Variants in ONECUT3 observed in about 807,000 individuals in gnomAD.
The protein encoded by ONECUT3 is one cut domain family member 3.
ONECUT3 carries 11 observed loss-of-function variants against 16.8 expected under a neutral mutation model. The observed-to-expected ratio is 0.66, with a 90% CI of 0.41 to 1.09. ONECUT3 has a LOEUF of 1.09. ONECUT3 is among the 50% of genes least tolerant of loss of function. The probability of loss-of-function intolerance (pLI) is 0.00; values close to 1 mark genes in which losing one functional copy is unlikely to be tolerated. For missense variants in ONECUT3, 637 were observed against 629.9 expected (o/e 1.01, Z -0.12); for synonymous variants, 344 against 310.7 (o/e 1.11, Z -1.13).
chr19:1,754,493 C>T lies in ONECUT3; in HGVS notation c.831C>T (p.Ser277=). 2.0e-6 allele frequency: 2 copies of T among 980,622 alleles called. No homozygotes were observed. The highest frequency in any genetic ancestry group is 3.5e-5 in the African/African-American group (2 of 56,642). The allele number at this position is 980,622 out of a possible 1,614,324, so 60.7% of individuals were successfully genotyped here. ...GCACAGGCAGCGGCGGAGCGGGCAGCGGGAGCGCCGCGGGGCTGCTGGCGC... is the reference window on the plus strand; with the variant it reads ...GCACAGGCAGCGGCGGAGCGGGCAGTGGGAGCGCCGCGGGGCTGCTGGCGC... The part of the protein sequence containing the change: ...GGGTGSGGAG[S]GSAAGLLAPL... The change falls in exon 1 of 2, where the codon AGC becomes AGT. Residue 277 remains serine, a synonymous_variant. Coordinates refer to ENST00000382349, the MANE Select transcript of ONECUT3 (RefSeq NM_001080488.2). The surrounding 1 kb of genome is among the most constrained non-coding windows in gnomAD (Gnocchi z 7.4).
In ONECUT3 at chr19:1,762,904, C is replaced by A. The variant is rs1269450570; in HGVS notation, c.1192+8050C>A. On this transcript the variant is annotated intron_variant, in intron 1 of 1. Coordinates refer to ENST00000382349, the MANE Select transcript of ONECUT3 (RefSeq NM_001080488.2). This position sits in a 1 kb window ranked among gnomAD's most constrained non-coding sequence, Gnocchi z 4.4. ...CCCTCCTCCACCTCCCTTGTTTTTG[C>A]TCCCTGGTTCCCTAAAATATTCTAC... 6.6e-6 allele frequency among the ~76,000 whole-genome samples: 1 copy of A among 152,218 alleles called. No homozygotes were observed. Among genetic ancestry groups the A allele is most frequent in the Non-Finnish European group, 1.5e-5 (1 of 68,038 alleles).
chr19:1,762,960 C>A lies in ONECUT3; in HGVS notation c.1192+8106C>A, dbSNP rs970051545. ...TTTGGCCCGGCGGGGAGGCTCAAAC[C>A]TGTAGTCCCAGCACTTTGGGAGGCC... On this transcript the variant is annotated intron_variant, in intron 1 of 1. Transcript: ENST00000382349. This position sits in a 1 kb window ranked among gnomAD's most constrained non-coding sequence, Gnocchi z 4.4. Among the ~76,000 whole-genome samples the A allele has an allele frequency of 2.0e-5, 3 of 152,196 alleles. No homozygotes were observed. The highest frequency in any genetic ancestry group is 2.9e-5 in the Non-Finnish European group (2 of 68,036).
chr19:1,761,381 C>T (rs2067945475), intron 1 of ONECUT3, among the ~76,000 whole-genome samples: 1 of 152,188 alleles, frequency 6.6e-6, no homozygotes, highest in Non-Finnish European at 1.5e-5. Flanking sequence ...CCGTCTCCCC[C>T]ACATCCTAAG....
At chr19:1,763,306 G>A (rs2067956383) in intron 1 of ONECUT3, among the ~76,000 whole-genome samples, 1 of 141,816 alleles carries the variant, frequency 7.1e-6, no homozygotes, top group South Asian at 2.3e-4. Context: ...AGAGGTTGCA[G>A]TGAGCCGAGA....
Position 1,754,479 on chromosome 19 carries a change from G to C in ONECUT3, c.817G>C (p.Gly273Arg). Residue 273 changes from glycine to arginine, a missense_variant, in exon 1 of 2, where the codon GGC (glycine) becomes CGC (arginine). This residue lies in a region of ONECUT3 where 419 missense variants were observed against 377.9 expected (regional missense o/e 1.11). Transcript: ENST00000382349. The surrounding 1 kb of genome is among the most constrained non-coding windows in gnomAD (Gnocchi z 7.4). Reference sequence around the variant, plus strand: ...CGGAGGCGGCGGCGGCACAGGCAGCGGCGGAGCGGGCAGCGGGAGCGCCGC... The same window carrying C: ...CGGAGGCGGCGGCGGCACAGGCAGCCGCGGAGCGGGCAGCGGGAGCGCCGC... ...LPGGGGGTGS[G>R]GAGSGSAAGL... The C allele has an allele frequency of 1.0e-6, 1 of 982,654 alleles. No individual in the cohort carries two copies. Among genetic ancestry groups the C allele is most frequent in the Non-Finnish European group, 1.2e-6 (1 of 829,778 alleles). The allele number at this position is 982,654 out of a possible 1,614,324, so 60.9% of individuals were successfully genotyped here. A position where few individuals can be genotyped will look rare whatever the true frequency, so the allele number is the denominator to read the frequency against.
In ONECUT3 at chr19:1,779,827, G is replaced by A. The variant is rs1019629753; in HGVS notation, c.*4382G>A. 6.6e-6 allele frequency: 1 copy of A among 151,942 alleles called. No homozygotes were observed. The highest frequency in any genetic ancestry group is 2.4e-5 in the African/African-American group (1 of 41,314). The allele number at this position is 151,942 out of a possible 1,614,324, so 9.4% of individuals were successfully genotyped here. ...CAGGTGGACGGGGCCCCAGGTAGAG[G>A]GGGCGGGAACAGAGCCTCAGTAGCC... is the stretch of plus-strand genomic sequence containing the variant. On this transcript the variant is annotated 3_prime_UTR_variant, in exon 2 of 2. Coordinates refer to ENST00000382349, the MANE Select transcript of ONECUT3 (RefSeq NM_001080488.2).
intron 1 of ONECUT3, among the ~76,000 whole-genome samples, chr19:1,771,630 A>G (rs1665732748): frequency 6.6e-6 from 1 of 152,138 alleles, no homozygotes; most frequent in Non-Finnish European, 1.5e-5. Context: ...AAATTTCACA[A>G]CAACGAGGCT....
chr19:1,773,549 A>C (rs946335222), intron 1 of ONECUT3, among the ~76,000 whole-genome samples: 2 of 152,168 alleles, frequency 1.3e-5, no homozygotes, highest in African/African-American at 4.8e-5. Flanking sequence ...TTCTGCAACG[A>C]AAAGAAAAGC....
In ONECUT3 at chr19:1,753,591, G is replaced by T. The variant is rs2067899625; in HGVS notation, c.-72G>T. On this transcript the variant is annotated 5_prime_UTR_variant, in exon 1 of 2. Transcript: ENST00000382349. ...CGCGCGCAGCCACCGGGGAGCGGGC[G>T]GGAGTCATGCAGCGGCCTTGAGCAC... 6.0e-6 allele frequency: 3 copies of T among 498,032 alleles called. No homozygotes were observed. Among genetic ancestry groups the T allele is most frequent in the Non-Finnish European group, 8.0e-6 (3 of 376,296 alleles). 30.9% of individuals were successfully genotyped at this position (498,032 alleles called of 1,614,324 possible).
In ONECUT3 at chr19:1,764,834, A is replaced by C. The variant is rs2067971039; in HGVS notation, c.1192+9980A>C. Among the ~76,000 whole-genome samples the C allele has an allele frequency of 9.0e-6, 1 of 110,746 alleles. No homozygotes were observed. Among genetic ancestry groups the C allele is most frequent in the Middle Eastern group, 5.0e-3 (1 of 202 alleles). 72.7% of individuals were successfully genotyped at this position (110,746 alleles called of 152,430 possible). A position where few individuals can be genotyped will look rare whatever the true frequency, so the allele number is the denominator to read the frequency against. On this transcript the variant is annotated intron_variant, in intron 1 of 1. Coordinates refer to ENST00000382349, the MANE Select transcript of ONECUT3 (RefSeq NM_001080488.2). This position sits in a 1 kb window ranked among gnomAD's most constrained non-coding sequence, Gnocchi z 5.0. ...TGCGCAGGGGGGACAAGACACCAGC[A>C]TGGGGGTGGGGGGCATCAGTACAAC...
At position 1,780,666 on chromosome 19, in the gene ONECUT3, A is replaced by G. The variant is rs1600371579; in HGVS notation, c.*5221A>G. The G allele has an allele frequency of 6.6e-6, 1 of 152,272 alleles. No individual in the cohort carries two copies. Among genetic ancestry groups the G allele is most frequent in the East Asian group, 1.9e-4 (1 of 5,190 alleles). The allele number at this position is 152,272 out of a possible 1,614,324, so 9.4% of individuals were successfully genotyped here. On this transcript the variant is annotated 3_prime_UTR_variant, in exon 2 of 2. Coordinates refer to ENST00000382349, the MANE Select transcript of ONECUT3 (RefSeq NM_001080488.2). ...CCGGGGCCAGGATGCTCCTTGCACC[A>G]GCAGGAGCTTGGGCCATTTCACATT...
rs1229888255 is a variant in ONECUT3, at chr19:1,758,386, C to G, written c.1192+3532C>G. 6.6e-6 allele frequency among the ~76,000 whole-genome samples: 1 copy of G among 151,768 alleles called. No individual in the cohort carries two copies. The highest frequency in any genetic ancestry group is 2.4e-5 in the African/African-American group (1 of 41,262). The stretch of plus-strand genomic sequence containing the variant: ...TGCTGGAGGCTGCCTCTGTGTCCAC[C>G]CCCGCCCTCCCACAGCCCCCTCCTT... On this transcript the variant is annotated intron_variant, in intron 1 of 1. Coordinates refer to ENST00000382349, the MANE Select transcript of ONECUT3 (RefSeq NM_001080488.2). This position sits in a 1 kb window ranked among gnomAD's most constrained non-coding sequence, Gnocchi z 5.9.
intron 1 of ONECUT3, among the ~76,000 whole-genome samples, chr19:1,765,977 G>A (rs1245945535): frequency 6.6e-6 from 1 of 152,250 alleles, no homozygotes; most frequent in Non-Finnish European, 1.5e-5. Context: ...CCGCGAGCCA[G>A]CTGCATCCCA....
At position 1,777,424 on chromosome 19, in the gene ONECUT3, G is replaced by A. The variant is rs563265852; in HGVS notation, c.*1979G>A. On this transcript the variant is annotated 3_prime_UTR_variant, in exon 2 of 2. Transcript: ENST00000382349. ...CACACATGCACACATGCAAAGACAC[G>A]CATGCAGGCACACGCAGACGCACAC... 17 of 142,182 alleles carry A rather than the reference G, an allele frequency of 1.2e-4. No individual in the cohort carries two copies. Among genetic ancestry groups the A allele is most frequent in the Admixed American group, 3.4e-4 (5 of 14,694 alleles). The allele number at this position is 142,182 out of a possible 1,614,324, so 8.8% of individuals were successfully genotyped here.
At chr19:1,765,790 G>A (rs1701564569) in intron 1 of ONECUT3, among the ~76,000 whole-genome samples, 1 of 152,192 alleles carries the variant, frequency 6.6e-6, no homozygotes, top group African/African-American at 2.4e-5. Flanking sequence ...GGCCCGCAGA[G>A]CCCACCCGCG....
chr19:1,775,303 C>T lies in ONECUT3; in HGVS notation c.1343C>T (p.Ser448Leu). 2 of 1,604,392 alleles carry T rather than the reference C, an allele frequency of 1.2e-6. No individual in the cohort carries two copies. The highest frequency in any genetic ancestry group is 1.7e-6 in the Non-Finnish European group (2 of 1,175,510). ...RPSKEMQVTI[S>L]QQLGLELNTV... Reference sequence around the variant, plus strand: ...TCCAAGGAGATGCAGGTCACCATCTCGCAGCAGCTCGGCTTGGAGCTCAAC... The same window carrying T: ...TCCAAGGAGATGCAGGTCACCATCTTGCAGCAGCTCGGCTTGGAGCTCAAC... Residue 448 changes from serine to leucine, a missense_variant, in exon 2 of 2, where the codon TCG becomes TTG. Physicochemically the swap from Ser to Leu is moderately radical, Grantham distance 145. This residue lies in a region of ONECUT3 where 183 missense variants were observed against 188.3 expected (regional missense o/e 0.97). Coordinates refer to ENST00000382349, the MANE Select transcript of ONECUT3 (RefSeq NM_001080488.2).
At chr19:1,771,403 G>C (rs533422515) in intron 1 of ONECUT3, among the ~76,000 whole-genome samples, 1 of 152,276 alleles carries the variant, frequency 6.6e-6, no homozygotes, top group South Asian at 2.1e-4. Flanking sequence ...TGGAGTCCTT[G>C]AACATCCGAT....
At chr19:1,771,419 C>T (rs1241408133) in intron 1 of ONECUT3, among the ~76,000 whole-genome samples, 1 of 152,164 alleles carries the variant, frequency 6.6e-6, no homozygotes, top group Non-Finnish European at 1.5e-5. Context: ...CCGATTATAT[C>T]TTTATTGCAC....
intron 1 of ONECUT3, among the ~76,000 whole-genome samples, chr19:1,757,267 G>C (rs563755009): frequency 9.8e-5 from 15 of 152,362 alleles, no homozygotes; most frequent in Admixed American, 9.1e-4. Context: ...AGCCATCCAG[G>C]CCTCCGCCGT....
Sources: allele counts gnomAD v4.1 joint callset (sites outside exome capture counted in the v4.1 genomes callset), GRCh38; gene constraint gnomAD v4.1.1; regional missense constraint gnomAD v4.1.1; non-coding constraint Gnocchi (gnomAD v3.1); transcripts MANE v1.5; gene names NCBI Gene and HGNC (gene_info 2026-07-23, HGNC 2026-07-21).